CIMAP3: variants seen among roughly 807,000 people sequenced by gnomAD.
CIMAP3 encodes ciliary microtubule-associated protein 3.
At chr1:111,351,244 G>A in the CIMAP3 span, 105 of 1,563,252 alleles carry the variant, frequency 6.7e-5, no homozygotes, top group African/African-American at 9.1e-4. Context: ...TCTAGAAAAC[G>A]TTCTTTCATT....
chr1:111,346,625 A>C, the CIMAP3 span: 1 of 1,614,084 alleles, frequency 6.2e-7, no homozygotes. Flanking sequence ...GCAACGCAGT[A>C]CACAAGTGCT....
the CIMAP3 span, among the ~76,000 whole-genome samples, chr1:111,345,568 C>T: frequency 6.6e-6 from 1 of 152,164 alleles, no homozygotes; most frequent in East Asian, 1.9e-4. Context: ...TTCCAAAACA[C>T]CCTCTGGGAG....
the CIMAP3 span, among the ~76,000 whole-genome samples, chr1:111,336,258 G>C: frequency 5.3e-5 from 8 of 152,166 alleles, no homozygotes; most frequent in African/African-American, 1.9e-4. Context: ...GGAAAAAACA[G>C]AGAAGAAAAA....
the CIMAP3 span, among the ~76,000 whole-genome samples, chr1:111,334,668 C>G: frequency 1.3e-5 from 2 of 152,014 alleles, no homozygotes; most frequent in African/African-American, 2.4e-5. Flanking sequence ...AATTCAGAAA[C>G]TTATCAGAGA....
chr1:111,327,118 T>A, the CIMAP3 span, among the ~76,000 whole-genome samples: 5 of 151,744 alleles, frequency 3.3e-5, no homozygotes, highest in South Asian at 6.2e-4. Context: ...TCTATTTTTT[T>A]AATTATCTGT....
the CIMAP3 span, among the ~76,000 whole-genome samples, chr1:111,339,713 A>T: frequency 2.8e-3 from 429 of 152,056 alleles, 1 homozygote; most frequent in Non-Finnish European, 4.6e-3. Flanking sequence ...AGAGGATACA[A>T]ACAACTGGAA....
At chr1:111,347,438 A>T in the CIMAP3 span, among the ~76,000 whole-genome samples, 28 of 151,952 alleles carry the variant, frequency 1.8e-4, no homozygotes, top group African/African-American at 6.5e-4. Flanking sequence ...CCTATAGTCT[A>T]CGTATCCAGC....
At chr1:111,337,373 A>C in the CIMAP3 span, among the ~76,000 whole-genome samples, 1 of 152,174 alleles carries the variant, frequency 6.6e-6, no homozygotes, top group Non-Finnish European at 1.5e-5. Flanking sequence ...TAAATGGACT[A>C]AATGCTCCAA....
the CIMAP3 span, among the ~76,000 whole-genome samples, chr1:111,329,056 T>G: frequency 1.3e-5 from 2 of 152,334 alleles, no homozygotes; most frequent in East Asian, 3.9e-4. Context: ...ATGAATTCTC[T>G]CAACATTTAC....
the CIMAP3 span, chr1:111,346,496 G>T: frequency 2.7e-6 from 3 of 1,108,940 alleles, no homozygotes; most frequent in Non-Finnish European, 3.9e-6. Flanking sequence ...CAAGGTGCGG[G>T]TTCCTGCCCC....
chr1:111,348,734 A>G, the CIMAP3 span: 1 of 1,311,096 alleles, frequency 7.6e-7, no homozygotes, highest in South Asian at 1.6e-5. Flanking sequence ...TAAAGAAGGG[A>G]TGACATCCAA....
At chr1:111,351,376 G>A in the CIMAP3 span, 2 of 1,421,374 alleles carry the variant, frequency 1.4e-6, no homozygotes, top group Non-Finnish European at 1.9e-6. Flanking sequence ...GACTCTCCAG[G>A]ACTGAGGACA....
At chr1:111,325,017 CAG>C in the CIMAP3 span, 3 of 480,052 alleles carry the variant, frequency 6.2e-6, no homozygotes, top group Middle Eastern at 1.1e-3. Flanking sequence ...TGGATGGAGG[CAG>C]AGAGAGTGTT....
the CIMAP3 span, among the ~76,000 whole-genome samples, chr1:111,343,763 A>G: frequency 2.6e-5 from 4 of 152,232 alleles, no homozygotes; most frequent in Admixed American, 6.5e-5. Context: ...CAGGATGTAG[A>G]TGGGCCCAGT....
the CIMAP3 span, chr1:111,350,181 G>A: frequency 6.2e-7 from 1 of 1,613,952 alleles, no homozygotes; most frequent in African/African-American, 1.3e-5. Context: ...CTCCAGACTG[G>A]GCTCAGGTTC....
At chr1:111,340,445 G>T in the CIMAP3 span, among the ~76,000 whole-genome samples, 1 of 151,882 alleles carries the variant, frequency 6.6e-6, no homozygotes, top group South Asian at 2.1e-4. Flanking sequence ...GAAAATTTTC[G>T]CAACCTACTC....
the CIMAP3 span, chr1:111,351,509 A>C: frequency 4.4e-6 from 2 of 453,052 alleles, no homozygotes; most frequent in Non-Finnish European, 7.7e-6. Context: ...TGCTATCTCC[A>C]TCTACTGACT....
chr1:111,350,111 G>T, the CIMAP3 span: 20 of 1,611,804 alleles, frequency 1.2e-5, no homozygotes, highest in African/African-American at 2.7e-4. Flanking sequence ...TCTAGCCCTG[G>T]TGCATACAAC....
At chr1:111,347,357 G>A in the CIMAP3 span, among the ~76,000 whole-genome samples, 1 of 152,182 alleles carries the variant, frequency 6.6e-6, no homozygotes, top group African/African-American at 2.4e-5. Flanking sequence ...ACCTCAGGCT[G>A]ACAGTTGCAT....
Sources: allele counts gnomAD v4.1 joint callset (sites outside exome capture counted in the v4.1 genomes callset), GRCh38; gene constraint gnomAD v4.1.1; transcripts MANE v1.5; gene names NCBI Gene and HGNC (gene_info 2026-07-23, HGNC 2026-07-21).